Variants in FGF14 observed in about 807,000 individuals in gnomAD.
The protein encoded by FGF14 is fibroblast growth factor 14, also known as fibroblast growth factor homologous factor 4.
Under a neutral mutation model 25.5 loss-of-function variants are expected in FGF14, and 5 were observed. The observed-to-expected ratio is 0.20, with a 90% CI of 0.10 to 0.41. FGF14 has a LOEUF of 0.41. FGF14 is among the 10% of genes least tolerant of loss of function. The pLI is 1.00. For missense variants in FGF14, 222 were observed against 320.1 expected (o/e 0.69, Z 2.34); for synonymous variants, 138 against 118.3 (o/e 1.17, Z -1.08).
At chr13:102,168,906 T>C (rs1353279013) in intron 1 of FGF14, among the ~76,000 whole-genome samples, 3 of 152,034 alleles carry the variant, frequency 2.0e-5, no homozygotes, top group Non-Finnish European at 4.4e-5. Flanking sequence ...AAAATACTGA[T>C]TCCTGAGTTT....
At chr13:101,889,268 C>T (rs1225510582) in intron 1 of FGF14, among the ~76,000 whole-genome samples, 5 of 152,104 alleles carry the variant, frequency 3.3e-5, no homozygotes, top group Admixed American at 2.6e-4. Context: ...CCACGTTCAC[C>T]GATTTAGAGA....
chr13:102,151,851 A>G (rs1292803547), intron 1 of FGF14, among the ~76,000 whole-genome samples: 1 of 152,194 alleles, frequency 6.6e-6, no homozygotes, highest in African/African-American at 2.4e-5. Context: ...TCACATTAGT[A>G]GATAATACTT....
At chr13:102,121,546 ATTAAG>A (rs1242753491) in intron 1 of FGF14, among the ~76,000 whole-genome samples, 6 of 152,208 alleles carry the variant, frequency 3.9e-5, no homozygotes, top group Admixed American at 3.9e-4. Context: ...AAATTATTTA[ATTAAG>A]TTTTTATTTG....
intron 1 of FGF14, among the ~76,000 whole-genome samples, chr13:102,345,774 C>A (rs2057088344): frequency 6.6e-6 from 1 of 152,152 alleles, no homozygotes. Flanking sequence ...TGTAAGAATG[C>A]AACAAAGATT....
chr13:101,735,085 AG>A (rs917711392), intron 3 of FGF14, among the ~76,000 whole-genome samples: 15 of 152,236 alleles, frequency 9.9e-5, no homozygotes, highest in African/African-American at 3.6e-4. Context: ...CTCTCGCTGG[AG>A]GAGAGAGAGA....
chr13:102,004,897 C>A (rs75858837), intron 1 of FGF14, among the ~76,000 whole-genome samples: 3,533 of 152,250 alleles, frequency 0.023, 123 homozygotes, highest in African/African-American at 0.078. Flanking sequence ...TTTGCGTCCC[C>A]TTCTGATATG....
intron 1 of FGF14, among the ~76,000 whole-genome samples, chr13:101,906,562 T>G (rs746381415): frequency 3.3e-5 from 5 of 152,082 alleles, no homozygotes; most frequent in Non-Finnish European, 5.9e-5. Context: ...AACAAACAAG[T>G]AAATACCCAT....
intron 1 of FGF14, among the ~76,000 whole-genome samples, chr13:102,334,790 T>C (rs2056743167): frequency 6.6e-6 from 1 of 152,200 alleles, no homozygotes; most frequent in Non-Finnish European, 1.5e-5. Context: ...TTAGTTATCC[T>C]TGAGATGATC....
chr13:102,051,374 C>T (rs914629342), intron 1 of FGF14, among the ~76,000 whole-genome samples: 2 of 152,156 alleles, frequency 1.3e-5, no homozygotes, highest in African/African-American at 2.4e-5. Context: ...ATTACTTTCC[C>T]GGATCCCAGA....
At chr13:101,990,942 C>T (rs1420649336) in intron 1 of FGF14, among the ~76,000 whole-genome samples, 1 of 152,032 alleles carries the variant, frequency 6.6e-6, no homozygotes, top group African/African-American at 2.4e-5. Flanking sequence ...GAACATCTAG[C>T]ACAATTGAAT....
chr13:102,106,971 T>C (rs1329689261), intron 1 of FGF14, among the ~76,000 whole-genome samples: 1 of 152,172 alleles, frequency 6.6e-6, no homozygotes, highest in Non-Finnish European at 1.5e-5. Context: ...GTCCGATAGC[T>C]CACGGAAGCA....
intron 1 of FGF14, among the ~76,000 whole-genome samples, chr13:102,193,413 G>A (rs36114810): frequency 6.6e-6 from 1 of 152,166 alleles, no homozygotes; most frequent in Non-Finnish European, 1.5e-5. Context: ...ACTTTGAAAA[G>A]CTCCAACATG....
chr13:101,846,055 C>A (rs889208567), intron 3 of FGF14, among the ~76,000 whole-genome samples: 1 of 151,830 alleles, frequency 6.6e-6, no homozygotes, highest in South Asian at 2.1e-4. Context: ...AACGTATTTG[C>A]CAAATGTATA....
At chr13:102,040,494 A>G (rs188802536) in intron 1 of FGF14, among the ~76,000 whole-genome samples, 1 of 152,284 alleles carries the variant, frequency 6.6e-6, no homozygotes, top group African/African-American at 2.4e-5. Context: ...GTCACTCTAT[A>G]TCTTTGAGCC....
chr13:101,966,525 C>T lies in FGF14; in HGVS notation c.209-91229G>A, dbSNP rs112278071. ...TGAGACAGAGTCTCGCTCTGTCGCCCAGGCTGGAATGCAGTGGTGCCATCT... is the reference window on the plus strand; with the variant it reads ...TGAGACAGAGTCTCGCTCTGTCGCCTAGGCTGGAATGCAGTGGTGCCATCT... On this transcript the variant is annotated intron_variant, in intron 1 of 4. Transcript: ENST00000376131. Among the ~76,000 whole-genome samples, 10 of 152,180 alleles carry T rather than the reference C, an allele frequency of 6.6e-5. 1 individual carries two copies. The highest frequency in any genetic ancestry group is 2.4e-4 in the African/African-American group (10 of 41,520).
chr13:102,312,128 G>C (rs1218964578), intron 1 of FGF14, among the ~76,000 whole-genome samples: 1 of 151,460 alleles, frequency 6.6e-6, no homozygotes, highest in African/African-American at 2.4e-5. Context: ...TTCTCTTTAA[G>C]GTTGTCTACG....
chr13:102,237,241 A>G (rs1314550419), intron 1 of FGF14, among the ~76,000 whole-genome samples: 3 of 152,174 alleles, frequency 2.0e-5, no homozygotes, highest in Non-Finnish European at 4.4e-5. Flanking sequence ...CTAGAGACTC[A>G]CATGTCTGCA....
intron 1 of FGF14, among the ~76,000 whole-genome samples, chr13:102,027,220 TACACACAG>T (rs1566589953): frequency 6.6e-5 from 10 of 151,060 alleles, no homozygotes; most frequent in South Asian, 4.2e-4. Context: ...CACACACACA[TACACACAG>T]ACACACACAT....
chr13:101,788,965 G>GAGAGAGATAT (rs2040073837), intron 3 of FGF14, among the ~76,000 whole-genome samples: 2 of 80,606 alleles, frequency 2.5e-5, no homozygotes, highest in Non-Finnish European at 5.6e-5. Flanking sequence ...GAGAGAGAGA[G>GAGAGAGATAT]AGAGACAGAG....
Sources: gnomAD v4.1 joint callset for allele counts (sites outside exome capture counted in the v4.1 genomes callset) on GRCh38, gnomAD v4.1.1 for gene constraint, MANE v1.5 for transcripts, NCBI Gene and HGNC (gene_info 2026-07-23, HGNC 2026-07-21) for gene names.